JAM2: variants seen among roughly 807,000 people sequenced by gnomAD.
JAM2 encodes junctional adhesion molecule 2.
In JAM2, 17 loss-of-function variants were observed where a neutral mutation model predicts 42.0. The observed-to-expected ratio is 0.40, with a 90% CI of 0.28 to 0.61. The LOEUF is 0.61. Among genes scored for constraint, JAM2 ranks in the 20% least tolerant of loss-of-function variants. JAM2 has a pLI of 0.37. For synonymous variants in JAM2, 118 were observed against 128.6 expected, an observed-to-expected ratio of 0.92 and a Z score of 0.56; for missense variants, 319 against 358.3, an observed-to-expected ratio of 0.89 and a Z score of 0.89.
intron 4 of JAM2, among the ~76,000 whole-genome samples, chr21:25,694,767 G>A (rs1180157179): frequency 2.0e-5 from 3 of 151,628 alleles, no homozygotes; most frequent in Non-Finnish European, 4.4e-5. Context: ...TTGAGCCCAG[G>A]AGTTCAAGGC....
intron 1 of JAM2, among the ~76,000 whole-genome samples, chr21:25,643,090 G>A (rs1242906981): frequency 6.6e-6 from 1 of 152,214 alleles, no homozygotes; most frequent in African/African-American, 2.4e-5. Flanking sequence ...TTGGTGATTA[G>A]ATTTCAACAT....
chr21:25,673,707 C>T (rs777723100), intron 1 of JAM2, among the ~76,000 whole-genome samples: 7 of 152,206 alleles, frequency 4.6e-5, no homozygotes, highest in Non-Finnish European at 7.3e-5. Flanking sequence ...GCAGACTAAG[C>T]AGATGGACAT....
chr21:25,703,679 G>A (rs1465203483), intron 6 of JAM2, among the ~76,000 whole-genome samples: 1 of 150,880 alleles, frequency 6.6e-6, no homozygotes, highest in Non-Finnish European at 1.5e-5. Flanking sequence ...AACTCCAGCA[G>A]ACTCCACCCA....
At chr21:25,713,718 G>A (rs1276070341) in intron 9 of JAM2, among the ~76,000 whole-genome samples, 6 of 152,036 alleles carry the variant, frequency 3.9e-5, no homozygotes, top group Admixed American at 3.9e-4. Context: ...TTTAATTAGG[G>A]GACAAGAAAC....
chr21:25,678,018 G>A (rs951343062), intron 1 of JAM2, among the ~76,000 whole-genome samples: 2 of 152,148 alleles, frequency 1.3e-5, no homozygotes, highest in African/African-American at 4.8e-5. Context: ...TGGATCACTT[G>A]AGGTCAGGAG....
At chr21:25,704,518 C>T (rs1310741938) in intron 6 of JAM2, among the ~76,000 whole-genome samples, 1 of 152,146 alleles carries the variant, frequency 6.6e-6, no homozygotes, top group African/African-American at 2.4e-5. Flanking sequence ...CCAAAATGTA[C>T]ATTGCTTTAA....
chr21:25,641,410 G>A (rs577414487), intron 1 of JAM2, among the ~76,000 whole-genome samples: 168 of 152,228 alleles, frequency 1.1e-3, no homozygotes, highest in South Asian at 5.2e-3. Flanking sequence ...ACCAAGAGGC[G>A]AACAAAAGCA....
intron 1 of JAM2, among the ~76,000 whole-genome samples, chr21:25,664,526 G>A (rs949177266): frequency 3.3e-5 from 5 of 152,058 alleles, no homozygotes; most frequent in Admixed American, 1.3e-4. Flanking sequence ...CAGCCACTGC[G>A]CCCAGCCCAT....
chr21:25,676,147 G>T (rs60382406), intron 1 of JAM2, among the ~76,000 whole-genome samples: 12,474 of 151,810 alleles, frequency 0.082, 707 homozygotes, highest in East Asian at 0.29. Flanking sequence ...AATTAGCCAG[G>T]TGTGGTGGCA....
intron 1 of JAM2, among the ~76,000 whole-genome samples, chr21:25,647,353 T>A (rs906343981): frequency 7.9e-5 from 12 of 152,122 alleles, no homozygotes; most frequent in African/African-American, 2.9e-4. Flanking sequence ...AAGAAATAGT[T>A]CCAGTATATA....
chr21:25,646,034 A>G (rs186201056), intron 1 of JAM2, among the ~76,000 whole-genome samples: 47 of 152,326 alleles, frequency 3.1e-4, no homozygotes, highest in African/African-American at 1.1e-3. Context: ...ACATTACTGT[A>G]TACTACTGTA....
chr21:25,654,908 G>A (rs2032888257), intron 1 of JAM2, among the ~76,000 whole-genome samples: 2 of 152,290 alleles, frequency 1.3e-5, no homozygotes, highest in Non-Finnish European at 2.9e-5. Context: ...AACAAAGGGG[G>A]AGAGAGGAAA....
Position 25,715,864 on chromosome 21 carries a change from T to G in JAM2, c.*1192T>G, listed in dbSNP as rs763797159. 27 of 152,232 alleles carry G rather than the reference T, an allele frequency of 1.8e-4. No individual in the cohort carries two copies. Among genetic ancestry groups the G allele is most frequent in the Non-Finnish European group, 3.5e-4 (24 of 68,040 alleles). 9.4% of individuals were successfully genotyped at this position (152,232 alleles called of 1,614,324 possible). Reference sequence around the variant, plus strand: ...TCATATCATTTGTAACTTCTTTTAATTACTGAATTGATATTAAAAACAAAA... The same window carrying G: ...TCATATCATTTGTAACTTCTTTTAAGTACTGAATTGATATTAAAAACAAAA... On this transcript the variant is annotated 3_prime_UTR_variant, in exon 10 of 10. Transcript: ENST00000480456.
At chr21:25,681,532 C>T (rs1014576990) in intron 1 of JAM2, among the ~76,000 whole-genome samples, 2 of 152,164 alleles carry the variant, frequency 1.3e-5, no homozygotes, top group African/African-American at 4.8e-5. Context: ...AGGTTCCTCC[C>T]ACAACACATG....
Position 25,683,887 on chromosome 21 carries a change from T to C in JAM2, c.72T>C (p.His24=). The C allele has an allele frequency of 1.9e-6, 3 of 1,601,332 alleles. No homozygotes were observed. Among genetic ancestry groups the C allele is most frequent in the South Asian group, 2.2e-5 (2 of 90,606 alleles). The change falls in exon 2 of 10, where the codon CAT becomes CAC. Residue 24 remains histidine, a synonymous_variant. Transcript: ENST00000480456. ...LRYLVVALGY[H]KAYGFSAPKD... Reference sequence around the variant, plus strand: ...CTATCTGTTTTAATCTTTCAGATCATAAGGCCTATGGGTTTTCTGCCCCAA... The same window carrying C: ...CTATCTGTTTTAATCTTTCAGATCACAAGGCCTATGGGTTTTCTGCCCCAA...
At chr21:25,699,415 T>C (rs1453717816) in intron 5 of JAM2, among the ~76,000 whole-genome samples, 2 of 152,134 alleles carry the variant, frequency 1.3e-5, no homozygotes, top group African/African-American at 2.4e-5. Context: ...AGTACTACCA[T>C]GTGCTATAAA....
chr21:25,698,973 C>T (rs1391906526), intron 5 of JAM2, 94 bp downstream of exon 5: 10 of 1,096,196 alleles, frequency 9.1e-6, no homozygotes, highest in African/African-American at 3.1e-5. Context: ...AGAGCTGATA[C>T]CATTGCTTGC....
intron 2 of JAM2, among the ~76,000 whole-genome samples, chr21:25,686,621 C>T (rs1006351139): frequency 6.6e-6 from 1 of 152,224 alleles, no homozygotes; most frequent in African/African-American, 2.4e-5. Flanking sequence ...TTGTAAATTA[C>T]ATGAGCAGCC....
At chr21:25,639,927 C>A in intron 1 of JAM2, 39 bp downstream of exon 1, 1 of 1,431,960 alleles carries the variant, frequency 7.0e-7, no homozygotes, top group East Asian at 2.5e-5. Context: ...CTGCCTGGAC[C>A]AGCCTGCCCC....
Sources: gnomAD v4.1 joint callset for allele counts (sites outside exome capture counted in the v4.1 genomes callset) on GRCh38, gnomAD v4.1.1 for gene constraint, MANE v1.5 for transcripts, NCBI Gene and HGNC (gene_info 2026-07-23, HGNC 2026-07-21) for gene names.